Variants in TNS4 observed in about 807,000 individuals in gnomAD.
The protein encoded by TNS4 is tensin-4.
In TNS4, 46 loss-of-function variants were observed where a neutral mutation model predicts 70.4. That is an observed-to-expected ratio of 0.65 (90% confidence interval 0.52 to 0.84). The LOEUF (loss-of-function observed/expected upper bound fraction) is 0.84. Among genes scored for constraint, TNS4 ranks in the 40% least tolerant of loss-of-function variants. The pLI is 0.00. For missense variants in TNS4, 863 were observed against 907.0 expected, an observed-to-expected ratio of 0.95 and a Z score of 0.62; for synonymous variants, 390 against 366.6, an observed-to-expected ratio of 1.06 and a Z score of -0.73.
In TNS4 at chr17:40,478,937, A is replaced by G. The variant is rs146997140; in HGVS notation, c.1911-289T>C. ...GGCCACTAACTTTTTGAGGACACGA[A>G]TTACATCTTGGTCATCTCTTGTTTC... On this transcript the variant is annotated intron_variant, in intron 10 of 12. Transcript: ENST00000254051. Among the ~76,000 whole-genome samples the G allele has an allele frequency of 2.0e-3, 307 of 152,188 alleles. 4 individuals carry two copies. The highest frequency in any genetic ancestry group is 7.1e-3 in the African/African-American group (295 of 41,502).
In TNS4 at chr17:40,478,571, T is replaced by C. The variant is rs750110424; in HGVS notation, c.1979+9A>G. ...CAGCCTTCTTAGTTTGGCCCAGCCTTGAACTTACTTCCGTTGCTCAGGGTC... is the reference window on the plus strand; with the variant it reads ...CAGCCTTCTTAGTTTGGCCCAGCCTCGAACTTACTTCCGTTGCTCAGGGTC... On this transcript the variant is annotated intron_variant, in intron 11 of 12. Transcript: ENST00000254051. 21 of 1,613,964 alleles carry C rather than the reference T, an allele frequency of 1.3e-5. No homozygotes were observed. Among genetic ancestry groups the C allele is most frequent in the Non-Finnish European group, 1.8e-5 (21 of 1,179,976 alleles).
At chr17:40,482,249 A>G (rs745848694) in intron 7 of TNS4, 43 bp from the exon 8 acceptor site, 1 of 1,613,770 alleles carries the variant, frequency 6.2e-7, no homozygotes, top group East Asian at 2.2e-5. Context: ...AGCTTCCCCA[A>G]CCCACCCCTC....
rs1165849615 is a variant in TNS4 at position 40,480,644 on chromosome 17, G to A, written c.1741+56C>T. ...CATGCGTGCGTGTGTGCAGGGTTGG[G>A]AGGTGCCCTCTTGGGGCACAGCCAA... On this transcript the variant is annotated intron_variant, in intron 9 of 12. Transcript: ENST00000254051. 2.7e-6 allele frequency: 4 copies of A among 1,455,154 alleles called. No individual in the cohort carries two copies. The African/African-American group carries it at 4.4e-5, about 16-fold the overall frequency. 90.1% of individuals were successfully genotyped at this position (1,455,154 alleles called of 1,614,324 possible).
chr17:40,497,710 A>G (rs2036163997), intron 1 of TNS4, among the ~76,000 whole-genome samples: 1 of 151,680 alleles, frequency 6.6e-6, no homozygotes, highest in South Asian at 2.1e-4. Context: ...TGAGTAACAG[A>G]GCACCTGGGG....
intron 1 of TNS4, among the ~76,000 whole-genome samples, chr17:40,498,143 A>G (rs957280253): frequency 6.6e-6 from 1 of 152,052 alleles, no homozygotes; most frequent in Non-Finnish European, 1.5e-5. Context: ...CGTTGCCAAA[A>G]CGCCTCCTTT....
chr17:40,486,683 C>T (rs2035993164), intron 4 of TNS4, among the ~76,000 whole-genome samples: 1 of 152,142 alleles, frequency 6.6e-6, no homozygotes, highest in Non-Finnish European at 1.5e-5. Flanking sequence ...CCCCTGCTTT[C>T]TCTGCTGGGA....
intron 7 of TNS4, 23 bp downstream of exon 7, chr17:40,482,301 G>A (rs751227109): frequency 3.1e-6 from 5 of 1,613,826 alleles, no homozygotes; most frequent in Admixed American, 1.7e-5. Flanking sequence ...TCCCGGGGGA[G>A]CCTGGAGGCT....
At position 40,486,689 on chromosome 17, in the gene TNS4, T is replaced by A. The variant is rs576213160; in HGVS notation, c.1288+347A>T. On this transcript the variant is annotated intron_variant, in intron 4 of 12. Transcript: ENST00000254051. ...ACTGTGGACCCCCTGCTTTCTCTGC[T>A]GGGAATGCCTTTCCTCTCCTTCTCT... Among the ~76,000 whole-genome samples, 4 of 152,278 alleles carry A rather than the reference T, an allele frequency of 2.6e-5. No homozygotes were observed. The South Asian group carries it at 8.3e-4, about 32-fold the overall frequency.
Position 40,477,411 on chromosome 17 carries a change from A to C in TNS4, c.*177T>G, listed in dbSNP as rs968293514. ...GGAAACTGAGGCCCGGGGGGTCTGGATGATGGTGACTGCTGAAGGCCATAG... is the reference window on the plus strand; with the variant it reads ...GGAAACTGAGGCCCGGGGGGTCTGGCTGATGGTGACTGCTGAAGGCCATAG... On this transcript the variant is annotated 3_prime_UTR_variant, in exon 13 of 13. Coordinates refer to ENST00000254051, the MANE Select transcript of TNS4 (RefSeq NM_032865.6). 2 of 717,632 alleles carry C rather than the reference A, an allele frequency of 2.8e-6. No homozygotes were observed. Among genetic ancestry groups the C allele is most frequent in the Non-Finnish European group, 4.4e-6 (2 of 457,498 alleles). 44.5% of individuals were successfully genotyped at this position (717,632 alleles called of 1,614,324 possible).
intron 8 of TNS4, among the ~76,000 whole-genome samples, chr17:40,481,510 G>A (rs1256747484): frequency 3.9e-5 from 6 of 152,110 alleles, no homozygotes; most frequent in East Asian, 1.9e-4. Flanking sequence ...GATTACAGGC[G>A]CCCACCACCA....
intron 6 of TNS4, among the ~76,000 whole-genome samples, chr17:40,483,443 C>T (rs1389349843): frequency 6.6e-6 from 1 of 152,194 alleles, no homozygotes; most frequent in East Asian, 1.9e-4. Flanking sequence ...TCAAGTGATC[C>T]TCCTGCCTCG....
chr17:40,481,323 C>A (rs1475421095), intron 8 of TNS4, among the ~76,000 whole-genome samples: 2 of 152,104 alleles, frequency 1.3e-5, no homozygotes, highest in African/African-American at 2.4e-5. Flanking sequence ...CCCTCGTTTT[C>A]TTTTCCTTCC....
intron 1 of TNS4, among the ~76,000 whole-genome samples, chr17:40,500,327 C>T (rs1170867434): frequency 1.3e-5 from 2 of 152,226 alleles, no homozygotes; most frequent in Non-Finnish European, 2.9e-5. Context: ...CTCTGCGTCG[C>T]CCTTGGATGT....
intron 9 of TNS4, among the ~76,000 whole-genome samples, chr17:40,480,405 T>C (rs2035906378): frequency 6.6e-6 from 1 of 152,002 alleles, no homozygotes; most frequent in Non-Finnish European, 1.5e-5. Context: ...TTCTCAGACC[T>C]AGAGAGACCC....
rs1229566795 is a variant in TNS4 at position 40,478,610 on chromosome 17, C to T, written c.1949G>A (p.Arg650His). The T allele has an allele frequency of 1.1e-5, 17 of 1,614,004 alleles. No homozygotes were observed. The highest frequency in any genetic ancestry group is 2.2e-5 in the East Asian group (1 of 44,894). Reference protein sequence around the residue: ...FRRHYPLTTLRFCGMDPEQRK... With the variant: ...FRRHYPLTTLHFCGMDPEQRK... Reference sequence around the variant, plus strand: ...TTGCTCAGGGTCCATACCACAGAAGCGGAGGGTGGTGAGTGGGTAATGGCG... The same window carrying T: ...TTGCTCAGGGTCCATACCACAGAAGTGGAGGGTGGTGAGTGGGTAATGGCG... The change falls in exon 11 of 13, where the codon CGC becomes CAC. Residue 650 changes from arginine to histidine, a missense_variant. Arg to His is a conservative substitution (Grantham distance 29). Transcript: ENST00000254051.
rs2035910129 is a variant in TNS4, at chr17:40,480,680, T to C, written c.1741+20A>G. 6.6e-7 allele frequency: 1 copy of C among 1,504,584 alleles called. No homozygotes were observed. The highest frequency in any genetic ancestry group is 8.8e-7 in the Non-Finnish European group (1 of 1,131,070). 93.2% of individuals were successfully genotyped at this position (1,504,584 alleles called of 1,614,324 possible). On this transcript the variant is annotated intron_variant, in intron 9 of 12. Coordinates refer to ENST00000254051, the MANE Select transcript of TNS4 (RefSeq NM_032865.6). ...TTGGGGCACAGCCAAGCTTGGCGCCTCCCTTCCTGTACCACTCACCCGCAG... is the reference window on the plus strand; with the variant it reads ...TTGGGGCACAGCCAAGCTTGGCGCCCCCCTTCCTGTACCACTCACCCGCAG...
intron 6 of TNS4, among the ~76,000 whole-genome samples, chr17:40,482,953 AT>A (rs530839797): frequency 0.043 from 5,988 of 140,390 alleles, 137 homozygotes; most frequent in South Asian, 0.098. Context: ...GTTATCAGGG[AT>A]TTTTTTTTTT....
chr17:40,481,420 A>G (rs1291982571), intron 8 of TNS4, among the ~76,000 whole-genome samples: 42 of 152,004 alleles, frequency 2.8e-4, no homozygotes. Flanking sequence ...GCTAGAGTGC[A>G]GTGGTGCGAT....
intron 2 of TNS4, among the ~76,000 whole-genome samples, chr17:40,491,891 C>A (rs868300000): frequency 6.6e-6 from 1 of 151,826 alleles, no homozygotes; most frequent in African/African-American, 2.4e-5. Flanking sequence ...TCACTTGGGG[C>A]GGGTAAACAG....
Sources: gnomAD v4.1 joint callset for allele counts (sites outside exome capture counted in the v4.1 genomes callset) on GRCh38, gnomAD v4.1.1 for gene constraint, MANE v1.5 for transcripts, NCBI Gene and HGNC (gene_info 2026-07-23, HGNC 2026-07-21) for gene names.